Variants in PFKFB3 observed in about 807,000 individuals in gnomAD.
PFKFB3 encodes the protein 6-phosphofructo-2-kinase/fructose-2,6-biphosphatase 3, also known as 6-phosphofructo-2-kinase/fructose-2,6-bisphosphatase 3.
PFKFB3 carries 33 observed loss-of-function variants against 68.0 expected under a neutral mutation model. The observed-to-expected ratio is 0.49, with a 90% CI of 0.37 to 0.65. The LOEUF is 0.65. Ranked by LOEUF, PFKFB3 falls within the 30% of genes least tolerant of loss-of-function variation. The pLI is 0.00. For synonymous variants in PFKFB3, 315 were observed against 288.2 expected, an observed-to-expected ratio of 1.09 and a Z score of -0.94; for missense variants, 586 against 712.2, an observed-to-expected ratio of 0.82 and a Z score of 2.02.
In PFKFB3 at chr10:6,210,356, G is replaced by GTTTT. The variant is rs762723368; in HGVS notation, c.77-3263_77-3260dup. ...TCTTTGTTTTTTTTTGTTTTTTTTT[G>GTTTT]TTTTTTTGTTTTTTTTTTTTTTGAG... On this transcript the variant is annotated intron_variant, in intron 1 of 14. Coordinates refer to ENST00000379775, the MANE Select transcript of PFKFB3 (RefSeq NM_004566.4). Among the ~76,000 whole-genome samples, 25 of 44,470 alleles carry GTTTT rather than the reference G, an allele frequency of 5.6e-4. 2 individuals are homozygous for GTTTT. Among genetic ancestry groups the GTTTT allele is most frequent in the African/African-American group, 1.1e-3 (24 of 21,538 alleles). 29.2% of individuals were successfully genotyped at this position (44,470 alleles called of 152,430 possible). A position where few individuals can be genotyped will look rare whatever the true frequency, so the allele number is the denominator to read the frequency against.
chr10:6,154,942 G>A lies in PFKFB3; in HGVS notation c.16+9929G>A, dbSNP rs1841722868. Among the ~76,000 whole-genome samples, 1 of 152,186 alleles carries A rather than the reference G, an allele frequency of 6.6e-6. No homozygotes were observed. Among genetic ancestry groups the A allele is most frequent in the South Asian group, 2.1e-4 (1 of 4,836 alleles). On this transcript the variant is annotated intron_variant, in intron 1 of 14. Coordinates refer to the PFKFB3 transcript ENST00000379789. This position sits in a 1 kb window ranked among gnomAD's most constrained non-coding sequence, Gnocchi z 4.6. Reference sequence around the variant, plus strand: ...TGGTAGAGGCTGTGAGTGGCCCGTAGGAGGTCATGGTGACCTCCATGAGCA... The same window carrying A: ...TGGTAGAGGCTGTGAGTGGCCCGTAAGAGGTCATGGTGACCTCCATGAGCA...
intron 1 of PFKFB3, among the ~76,000 whole-genome samples, chr10:6,196,050 G>T (rs1174056110): frequency 6.6e-6 from 1 of 152,106 alleles, no homozygotes; most frequent in Non-Finnish European, 1.5e-5. Context: ...CACTATTCGG[G>T]GGAGAGGGCG....
chr10:6,262,745 C>G, the PFKFB3 span, among the ~76,000 whole-genome samples: 1 of 152,116 alleles, frequency 6.6e-6, no homozygotes, highest in Non-Finnish European at 1.5e-5. Flanking sequence ...GAGAGAATAG[C>G]TTCAGAAATG....
intron 1 of PFKFB3, among the ~76,000 whole-genome samples, chr10:6,205,879 C>T (rs1031511795): frequency 1.3e-5 from 2 of 152,128 alleles, no homozygotes; most frequent in African/African-American, 4.8e-5. Context: ...CTCACTGTAA[C>T]CACCAACTCT....
intron 1 of PFKFB3, among the ~76,000 whole-genome samples, chr10:6,162,459 C>G (rs559502228): frequency 6.6e-6 from 1 of 152,286 alleles, no homozygotes; most frequent in Admixed American, 6.5e-5. Flanking sequence ...GAGTGAAACA[C>G]TTATCAGAGT....
chr10:6,183,619 A>G (rs1356056048), intron 1 of PFKFB3, among the ~76,000 whole-genome samples: 4 of 60,888 alleles, frequency 6.6e-5, no homozygotes, highest in Admixed American at 6.4e-4. Context: ...AAAAAAATAT[A>G]TATATATATA....
rs1370342326 is a variant in PFKFB3, at chr10:6,154,849, C to T, written c.16+9836C>T. Among the ~76,000 whole-genome samples, 11 of 152,200 alleles carry T rather than the reference C, an allele frequency of 7.2e-5. No homozygotes were observed. Among genetic ancestry groups the T allele is most frequent in the Non-Finnish European group, 1.3e-4 (9 of 68,040 alleles). On this transcript the variant is annotated intron_variant, in intron 1 of 14. Transcript: ENST00000379789. The surrounding 1 kb of genome is among the most constrained non-coding windows in gnomAD (Gnocchi z 4.6). ...GCCAGGTGGCCGAGGCGGTCGAGGC[C>T]TGGGTTGTAGTGAGCTGCGGGGAGC...
At chr10:6,253,920 TGTAGTCCCA>T (rs1846438424) in intron 14 of PFKFB3, among the ~76,000 whole-genome samples, 1 of 152,048 alleles carries the variant, frequency 6.6e-6, no homozygotes, top group East Asian at 1.9e-4. Context: ...AGTGCACACC[TGTAGTCCCA>T]GCTACTTGGG....
In PFKFB3 at chr10:6,216,701, A is replaced by G. The variant is rs755662992; in HGVS notation, c.367-5A>G. 1.9e-6 allele frequency: 3 copies of G among 1,602,600 alleles called. No homozygotes were observed. Among genetic ancestry groups the G allele is most frequent in the Non-Finnish European group, 2.6e-6 (3 of 1,169,590 alleles). ...TTCTTCCTGGCCCTTTGCTCTCCAT[A>G]TCAGGTTTTCGATGCCACCAATACT... On this transcript the variant is annotated splice_polypyrimidine_tract_variant and splice_region_variant and intron_variant, in intron 4 of 14. Coordinates refer to ENST00000379775, the MANE Select transcript of PFKFB3 (RefSeq NM_004566.4).
At chr10:6,313,919 C>T in the PFKFB3 span, among the ~76,000 whole-genome samples, 2 of 152,360 alleles carry the variant, frequency 1.3e-5, no homozygotes, top group East Asian at 1.9e-4. The surrounding 1 kb of genome is among the most constrained non-coding windows in gnomAD (Gnocchi z 4.2). Flanking sequence ...GCCGCTGCCT[C>T]GCACACCTCA....
chr10:6,287,701 C>G, the PFKFB3 span, among the ~76,000 whole-genome samples: 1 of 152,134 alleles, frequency 6.6e-6, no homozygotes, highest in Admixed American at 6.6e-5. Flanking sequence ...ACTCCCAGTT[C>G]CTCCCTCTTG....
At position 6,251,837 on chromosome 10, in the gene PFKFB3, G is replaced by A. The variant is rs556311258; in HGVS notation, c.1516-2341G>A. On this transcript the variant is annotated intron_variant, in intron 14 of 14. Transcript: ENST00000640683. ...ACAAAAATTAGCCAGGTGTGGTGGC[G>A]GGTGCCTATAATCCCAGCTACTCAG... Among the ~76,000 whole-genome samples, 129 of 152,176 alleles carry A rather than the reference G, an allele frequency of 8.5e-4. 2 individuals carry two copies. In the East Asian group the frequency reaches 0.021, roughly 24 times the overall value.
intron 12 of PFKFB3, 23 bp downstream of exon 12, chr10:6,224,043 C>T (rs550734598): frequency 1.9e-6 from 3 of 1,613,840 alleles, no homozygotes; most frequent in Admixed American, 1.7e-5. Flanking sequence ...CCCTGCCAAG[C>T]CCTGTCCCCC....
At chr10:6,217,724 G>A (rs1046909539) in intron 6 of PFKFB3, among the ~76,000 whole-genome samples, 1 of 152,170 alleles carries the variant, frequency 6.6e-6, no homozygotes, top group Middle Eastern at 3.2e-3. Flanking sequence ...CAGATAAATT[G>A]AGGGCACTTG....
At chr10:6,301,090 C>T in the PFKFB3 span, among the ~76,000 whole-genome samples, 4 of 152,114 alleles carry the variant, frequency 2.6e-5, no homozygotes, top group African/African-American at 9.7e-5. Flanking sequence ...GGCCAGACTT[C>T]GTGGGCCATG....
the PFKFB3 span, among the ~76,000 whole-genome samples, chr10:6,321,736 G>T: frequency 6.6e-6 from 1 of 152,146 alleles, no homozygotes; most frequent in Non-Finnish European, 1.5e-5. Context: ...GCTGAATACT[G>T]TTTGAGAAGC....
the PFKFB3 span, among the ~76,000 whole-genome samples, chr10:6,325,073 C>T: frequency 1.3e-5 from 2 of 152,124 alleles, no homozygotes; most frequent in African/African-American, 4.8e-5. Flanking sequence ...AGGTGATTCT[C>T]CCACCTCAGC....
rs35447462 is a variant in PFKFB3, at chr10:6,208,371, C to CTTTTTTTTTTTTTTTTTTTTTT, written c.76+5036_76+5057dup. 1.8e-4 allele frequency among the ~76,000 whole-genome samples: 11 copies of CTTTTTTTTTTTTTTTTTTTTTT among 60,634 alleles called. 2 individuals are homozygous for CTTTTTTTTTTTTTTTTTTTTTT. The highest frequency in any genetic ancestry group is 4.0e-4 in the African/African-American group (6 of 14,956). The allele number at this position is 60,634 out of a possible 152,430, so 39.8% of individuals were successfully genotyped here. A position where few individuals can be genotyped will look rare whatever the true frequency, so the allele number is the denominator to read the frequency against. On this transcript the variant is annotated intron_variant, in intron 1 of 14. Transcript: ENST00000379775. Reference sequence around the variant, plus strand: ...ACAGGTGTAAGCCAGGGTACCTGGCCTTTTTTTTTTTTTTTTTTTTTTGCC... The same window carrying CTTTTTTTTTTTTTTTTTTTTTT: ...ACAGGTGTAAGCCAGGGTACCTGGCCTTTTTTTTTTTTTTTTTTTTTTTTTTTTTTTTTTTTTTTTTTTTGCC...
intron 14 of PFKFB3, among the ~76,000 whole-genome samples, chr10:6,253,402 C>T (rs1201003066): frequency 1.3e-5 from 2 of 152,084 alleles, no homozygotes; most frequent in African/African-American, 4.8e-5. Flanking sequence ...AAGTGCTCTC[C>T]GAAAATTTAA....
Sources: gnomAD v4.1 joint callset for allele counts (sites outside exome capture counted in the v4.1 genomes callset) on GRCh38, gnomAD v4.1.1 for gene constraint, Gnocchi (gnomAD v3.1) non-coding constraint, MANE v1.5 for transcripts, NCBI Gene and HGNC (gene_info 2026-07-23, HGNC 2026-07-21) for gene names.